GLIS3: variants seen among roughly 807,000 people sequenced by gnomAD.
The protein encoded by GLIS3 is zinc finger protein GLIS3.
A neutral mutation model predicts 78.6 loss-of-function variants in GLIS3; 53 were observed. That is an observed-to-expected ratio of 0.67 (90% CI 0.54 to 0.85). The LOEUF is 0.85. Ranked by LOEUF, GLIS3 falls within the 40% of genes least tolerant of loss-of-function variation. The pLI is 0.00. For missense variants in GLIS3, 1,703 were observed against 1,231.1 expected (o/e 1.38, Z -5.74); for synonymous variants, 684 against 509.9 (o/e 1.34, Z -4.60).
At chr9:3,984,076 G>T (rs575148637) in intron 4 of GLIS3, among the ~76,000 whole-genome samples, 2 of 152,356 alleles carry the variant, frequency 1.3e-5, no homozygotes, top group African/African-American at 4.8e-5. Flanking sequence ...CAGGGACTGT[G>T]TGTGCTGTGT....
chr9:4,131,660 G>A (rs144890609), intron 2 of GLIS3, among the ~76,000 whole-genome samples: 40 of 152,222 alleles, frequency 2.6e-4, no homozygotes, highest in African/African-American at 9.2e-4. Context: ...CCCAAATACT[G>A]TTATGCTTCT....
At chr9:4,418,986 G>A in the GLIS3 span, among the ~76,000 whole-genome samples, 1 of 152,170 alleles carries the variant, frequency 6.6e-6, no homozygotes. Context: ...GGTGGAAACC[G>A]AATTGCTGAA....
At chr9:3,990,452 A>G (rs1206632536) in intron 4 of GLIS3, among the ~76,000 whole-genome samples, 1 of 152,216 alleles carries the variant, frequency 6.6e-6, no homozygotes, top group African/African-American at 2.4e-5. Context: ...AAAGAAAACC[A>G]GTAGCATTGA....
chr9:4,489,900 G>T, the GLIS3 span, among the ~76,000 whole-genome samples: 41 of 152,198 alleles, frequency 2.7e-4, no homozygotes, highest in Non-Finnish European at 4.9e-4. Context: ...AATCCCTGTG[G>T]GGGCACTGGA....
At chr9:4,268,171 C>G (rs576482194) in intron 2 of GLIS3, among the ~76,000 whole-genome samples, 117 of 152,234 alleles carry the variant, frequency 7.7e-4, no homozygotes, top group African/African-American at 2.7e-3. Context: ...GCTGTATGAC[C>G]TTGCGAAAAT....
chr9:3,874,079 T>C (rs1821145250), intron 8 of GLIS3, among the ~76,000 whole-genome samples: 1 of 152,230 alleles, frequency 6.6e-6, no homozygotes, highest in Non-Finnish European at 1.5e-5. Flanking sequence ...TGCTAATTAG[T>C]TGACTGATGG....
chr9:3,841,265 G>A (rs535637227), intron 9 of GLIS3, among the ~76,000 whole-genome samples: 3 of 152,320 alleles, frequency 2.0e-5, no homozygotes, highest in East Asian at 1.9e-4. Flanking sequence ...GATATATACA[G>A]TTATAGTAAA....
intron 5 of GLIS3, among the ~76,000 whole-genome samples, chr9:3,936,782 C>A (rs185145497): frequency 6.6e-6 from 1 of 152,154 alleles, no homozygotes; most frequent in African/African-American, 2.4e-5. Flanking sequence ...TTGTACACAG[C>A]GGTGACCAAG....
chr9:4,361,101 G>A, the GLIS3 span, among the ~76,000 whole-genome samples: 30 of 152,278 alleles, frequency 2.0e-4, no homozygotes, highest in African/African-American at 6.5e-4. Flanking sequence ...GAACACCTTT[G>A]GTCCCTACTT....
At chr9:3,978,420 T>C (rs1818959733) in intron 4 of GLIS3, among the ~76,000 whole-genome samples, 1 of 152,124 alleles carries the variant, frequency 6.6e-6, no homozygotes, top group South Asian at 2.1e-4. Flanking sequence ...AAAACCATTC[T>C]ATACATACTG....
the GLIS3 span, among the ~76,000 whole-genome samples, chr9:4,478,656 T>C: frequency 2.6e-5 from 4 of 151,470 alleles, no homozygotes; most frequent in Admixed American, 1.3e-4. Context: ...AGTGCACTAA[T>C]TCATTATTGA....
At position 3,863,916 on chromosome 9, in the gene GLIS3, C is replaced by T. The variant is rs565874567; in HGVS notation, c.2298-7732G>A. Reference sequence around the variant, plus strand: ...GAAAGAAAAAGGGAGGAGGGGAGAACGTCTCGGGTATGTCAGAGAAATGAA... The same window carrying T: ...GAAAGAAAAAGGGAGGAGGGGAGAATGTCTCGGGTATGTCAGAGAAATGAA... On this transcript the variant is annotated intron_variant, in intron 8 of 10. Transcript: ENST00000381971. 5.6e-3 allele frequency among the ~76,000 whole-genome samples: 857 copies of T among 152,050 alleles called. 6 individuals carry two copies. Among genetic ancestry groups the T allele is most frequent in the Non-Finnish European group, 8.4e-3 (568 of 67,990 alleles).
chr9:4,114,562 A>G (rs1443833200), intron 4 of GLIS3, among the ~76,000 whole-genome samples: 1 of 152,218 alleles, frequency 6.6e-6, no homozygotes. Flanking sequence ...CAGTTGGTCT[A>G]AGCTCAGAAG....
chr9:4,326,870 G>C, intron 2 of GLIS3, among the ~76,000 whole-genome samples: 1 of 152,142 alleles, frequency 6.6e-6, no homozygotes, highest in Non-Finnish European at 1.5e-5. Context: ...GGAGCATCTT[G>C]GCTGTGGGTG....
At chr9:4,486,117 C>T in the GLIS3 span, among the ~76,000 whole-genome samples, 1 of 152,102 alleles carries the variant, frequency 6.6e-6, no homozygotes, top group Non-Finnish European at 1.5e-5. Context: ...ATTTTCAATG[C>T]ATAATTTAAA....
intron 8 of GLIS3, among the ~76,000 whole-genome samples, chr9:3,877,138 C>T (rs368551808): frequency 3.3e-5 from 5 of 152,148 alleles, no homozygotes; most frequent in South Asian, 2.1e-4. Flanking sequence ...CTGAGCTTCA[C>T]GACATTGTGG....
At chr9:4,075,395 G>A (rs150589961) in intron 4 of GLIS3, among the ~76,000 whole-genome samples, 2,166 of 94,140 alleles carry the variant, frequency 0.023, 61 homozygotes, top group African/African-American at 0.075. Context: ...GGTGAAACCC[G>A]TCTCTACTAA....
At chr9:4,409,026 T>C in the GLIS3 span, among the ~76,000 whole-genome samples, 1 of 152,068 alleles carries the variant, frequency 6.6e-6, no homozygotes, top group African/African-American at 2.4e-5. Context: ...TATATATGTA[T>C]ACACACACAC....
At chr9:3,881,818 T>C (rs1431989469) in intron 7 of GLIS3, among the ~76,000 whole-genome samples, 2 of 152,200 alleles carry the variant, frequency 1.3e-5, no homozygotes, top group Admixed American at 6.5e-5. Flanking sequence ...TATATATCGA[T>C]TTTACCAAAA....
Sources: allele counts gnomAD v4.1 joint callset (sites outside exome capture counted in the v4.1 genomes callset), GRCh38; gene constraint gnomAD v4.1.1; transcripts MANE v1.5; gene names NCBI Gene and HGNC (gene_info 2026-07-23, HGNC 2026-07-21).